MACROD2: variants seen among roughly 807,000 people sequenced by gnomAD.
MACROD2 encodes mono-ADP ribosylhydrolase 2, also known as ADP-ribose glycohydrolase MACROD2.
Under a neutral mutation model 70.4 loss-of-function variants are expected in MACROD2, and 36 were observed. The observed-to-expected ratio is 0.51, with a 90% confidence interval of 0.39 to 0.68. The LOEUF (loss-of-function observed/expected upper bound fraction) is 0.68, where lower values mean the gene tolerates loss of function less well. Among genes scored for constraint, MACROD2 ranks in the 30% least tolerant of loss-of-function variants. The pLI is 0.00. For synonymous variants in MACROD2, 172 were observed against 178.8 expected (o/e 0.96, Z 0.30); for missense variants, 496 against 538.4 (o/e 0.92, Z 0.78).
chr20:14,250,840 C>G (rs769621137), intron 3 of MACROD2, among the ~76,000 whole-genome samples: 11 of 151,922 alleles, frequency 7.2e-5, no homozygotes, highest in Non-Finnish European at 1.0e-4. Context: ...ATAGGTATAA[C>G]TGAAAGTATG....
intron 8 of MACROD2, among the ~76,000 whole-genome samples, chr20:15,656,753 C>T (rs545271704): frequency 6.6e-6 from 1 of 151,922 alleles, no homozygotes; most frequent in African/African-American, 2.4e-5. Flanking sequence ...GCAGATGCTC[C>T]CAAATAACTA....
chr20:15,762,209 T>C (rs1010602135), intron 8 of MACROD2, among the ~76,000 whole-genome samples: 2 of 152,174 alleles, frequency 1.3e-5, no homozygotes, highest in Non-Finnish European at 2.9e-5. Flanking sequence ...TACAGACTAC[T>C]GTTCATACAT....
intron 3 of MACROD2, among the ~76,000 whole-genome samples, chr20:14,212,264 A>G (rs763112068): frequency 6.6e-6 from 1 of 152,196 alleles, no homozygotes; most frequent in African/African-American, 2.4e-5. Flanking sequence ...AGTTCTAAAA[A>G]TATGAAAAAT....
chr20:15,030,571 A>G (rs2075266879), intron 5 of MACROD2, among the ~76,000 whole-genome samples: 1 of 152,106 alleles, frequency 6.6e-6, no homozygotes, highest in Non-Finnish European at 1.5e-5. Context: ...TTCTCTCACT[A>G]CTTGTGCTCA....
At chr20:15,455,548 A>G (rs1450432316) in intron 7 of MACROD2, among the ~76,000 whole-genome samples, 1 of 152,168 alleles carries the variant, frequency 6.6e-6, no homozygotes, top group African/African-American at 2.4e-5. Context: ...TATAAAACCT[A>G]CAATGCAATC....
intron 5 of MACROD2, among the ~76,000 whole-genome samples, chr20:15,079,334 C>A (rs1291759592): frequency 5.9e-5 from 9 of 151,952 alleles, no homozygotes; most frequent in Non-Finnish European, 1.3e-4. Flanking sequence ...TCACCTAAGC[C>A]CCCCAGTTCC....
rs980044620 is a variant in MACROD2 at position 16,051,489 on chromosome 20, A to C, written c.*1613A>C. The C allele has an allele frequency of 6.6e-5, 10 of 152,122 alleles. No homozygotes were observed. In the South Asian group the frequency reaches 1.2e-3, roughly 19 times the overall value. 9.4% of individuals were successfully genotyped at this position (152,122 alleles called of 1,614,324 possible). ...TCAGCATATGCACTATATTCTAACAAATTTTTTTTAATAAAATCAAGACAT... is the reference window on the plus strand; with the variant it reads ...TCAGCATATGCACTATATTCTAACACATTTTTTTTAATAAAATCAAGACAT... On this transcript the variant is annotated 3_prime_UTR_variant, in exon 18 of 18. Coordinates refer to ENST00000684519, the MANE Select transcript of MACROD2 (RefSeq NM_001351661.2).
chr20:14,954,541 A>G (rs1322766825), intron 5 of MACROD2, among the ~76,000 whole-genome samples: 1 of 139,668 alleles, frequency 7.2e-6, no homozygotes, highest in Non-Finnish European at 1.5e-5. Context: ...TATATATAAT[A>G]TAAATTATAA....
At chr20:14,431,675 G>C (rs1031543811) in intron 3 of MACROD2, among the ~76,000 whole-genome samples, 18 of 152,088 alleles carry the variant, frequency 1.2e-4, no homozygotes, top group Admixed American at 3.9e-4. Context: ...AAATGGAAAG[G>C]CATCGAATAA....
intron 10 of MACROD2, among the ~76,000 whole-genome samples, chr20:15,905,219 G>A (rs2065129167): frequency 6.6e-6 from 1 of 152,034 alleles, no homozygotes; most frequent in South Asian, 2.1e-4. Context: ...AGAACATCTA[G>A]GGCAACACTC....
At chr20:14,926,123 G>A (rs780702246) in intron 5 of MACROD2, among the ~76,000 whole-genome samples, 1 of 152,128 alleles carries the variant, frequency 6.6e-6, no homozygotes, top group Non-Finnish European at 1.5e-5. Flanking sequence ...TTTTTCCCAG[G>A]CTGTCCTGTT....
At chr20:14,172,066 A>G (rs2148724835) in intron 3 of MACROD2, among the ~76,000 whole-genome samples, 1 of 152,226 alleles carries the variant, frequency 6.6e-6, no homozygotes, top group African/African-American at 2.4e-5. Context: ...CCTATTGGAC[A>G]AGTTCTTTTA....
intron 8 of MACROD2, among the ~76,000 whole-genome samples, chr20:15,630,615 A>G (rs771682491): frequency 4.9e-4 from 75 of 152,254 alleles, no homozygotes; most frequent in Non-Finnish European, 5.6e-4. Context: ...TTCAGGTTGC[A>G]TAACTCTCCT....
chr20:15,749,001 A>G (rs1411275188), intron 8 of MACROD2, among the ~76,000 whole-genome samples: 2 of 152,126 alleles, frequency 1.3e-5, no homozygotes, highest in Admixed American at 1.3e-4. Context: ...GACAATAAAT[A>G]CAAAGCATAG....
chr20:15,960,000 A>G (rs926635094), intron 12 of MACROD2, among the ~76,000 whole-genome samples: 1 of 152,220 alleles, frequency 6.6e-6, no homozygotes, highest in Admixed American at 6.5e-5. Flanking sequence ...CAGGAAAGTC[A>G]GAGAATGAGG....
intron 3 of MACROD2, among the ~76,000 whole-genome samples, chr20:14,099,004 G>A (rs112233803): frequency 0.014 from 2,199 of 152,272 alleles, 51 homozygotes; most frequent in African/African-American, 0.05. Flanking sequence ...ACGTGGCTGG[G>A]TGTGGTGGCT....
chr20:15,177,757 C>T (rs1473678642), intron 5 of MACROD2, among the ~76,000 whole-genome samples: 3 of 152,032 alleles, frequency 2.0e-5, no homozygotes, highest in Admixed American at 1.3e-4. Context: ...TTTTTCCCTC[C>T]TCTTGCTTGG....
rs558077005 is a variant in MACROD2 at position 16,038,959 on chromosome 20, A to G, written c.1154-2242A>G. 2.0e-5 allele frequency among the ~76,000 whole-genome samples: 3 copies of G among 152,044 alleles called. No individual in the cohort carries two copies. The South Asian group carries it at 6.2e-4, about 32-fold the overall frequency. Reference sequence around the variant, plus strand: ...CTATTTCAAGTTCATGCTTGTCCCCAGGATATAACCCTTCAGGGTACCCCA... The same window carrying G: ...CTATTTCAAGTTCATGCTTGTCCCCGGGATATAACCCTTCAGGGTACCCCA... On this transcript the variant is annotated intron_variant, in intron 15 of 17. Coordinates refer to ENST00000684519, the MANE Select transcript of MACROD2 (RefSeq NM_001351661.2).
Position 14,781,485 on chromosome 20 carries a change from T to A in MACROD2, c.418+96526T>A, listed in dbSNP as rs549564364. 1.1e-3 allele frequency among the ~76,000 whole-genome samples: 164 copies of A among 145,246 alleles called. 1 individual carries two copies. The Middle Eastern group carries it at 0.014, about 12-fold the overall frequency. On this transcript the variant is annotated intron_variant, in intron 5 of 17. Coordinates refer to ENST00000684519, the MANE Select transcript of MACROD2 (RefSeq NM_001351661.2). ...TTAGTGACTTCTCTTCCATCTAGTG[T>A]GCTATGGACCATATAACACAGAGTT... is the stretch of plus-strand genomic sequence containing the variant.
Sources: gnomAD v4.1 joint callset for allele counts (sites outside exome capture counted in the v4.1 genomes callset) on GRCh38, gnomAD v4.1.1 for gene constraint, MANE v1.5 for transcripts, NCBI Gene and HGNC (gene_info 2026-07-23, HGNC 2026-07-21) for gene names.